SIRT3: variants seen among roughly 807,000 people sequenced by gnomAD.
SIRT3 encodes the protein sirtuin 3.
In SIRT3, 26 loss-of-function variants were observed where a neutral mutation model predicts 33.5. That is an observed-to-expected ratio of 0.78 (90% CI 0.57 to 1.08). The LOEUF is 1.08. Ranked by LOEUF, SIRT3 falls within the 50% of genes least tolerant of loss-of-function variation. The pLI is 0.00. For synonymous variants in SIRT3, 237 were observed against 222.1 expected, an observed-to-expected ratio of 1.07 and a Z score of -0.60; for missense variants, 585 against 530.1, an observed-to-expected ratio of 1.10 and a Z score of -1.02.
intron 6 of SIRT3, 26 bp from the exon 7 acceptor site, chr11:216,744 C>T (rs764402429): frequency 6.2e-7 from 1 of 1,613,768 alleles, no homozygotes; most frequent in Admixed American, 1.7e-5. Flanking sequence ...CAGAGGGTAT[C>T]AGCTATCTGT....
At chr11:229,766 A>G (rs1458315034) in intron 4 of SIRT3, among the ~76,000 whole-genome samples, 1 of 152,178 alleles carries the variant, frequency 6.6e-6, no homozygotes, top group Non-Finnish European at 1.5e-5. Flanking sequence ...CTCAAAAAAT[A>G]AATAAATAAA....
chr11:229,649 C>G (rs1210255932), intron 4 of SIRT3, among the ~76,000 whole-genome samples: 1 of 152,010 alleles, frequency 6.6e-6, no homozygotes, highest in African/African-American at 2.4e-5. Flanking sequence ...ATCCCAGCTT[C>G]TCAGGAGGCT....
rs1037615609 is a variant in SIRT3 at position 223,491 on chromosome 11, C to A, written c.969+587G>T. On this transcript the variant is annotated intron_variant, in intron 5 of 6. Transcript: ENST00000382743. The surrounding 1 kb of genome is among the most constrained non-coding windows in gnomAD (Gnocchi z 4.8). ...GCTCCACTCTCCACTCCCCAAAGGC[C>A]TCCCTGACCCCAAGGGTGCAGCTAC... 7 of 318,102 alleles carry A rather than the reference C, an allele frequency of 2.2e-5. No homozygotes were observed. The highest frequency in any genetic ancestry group is 4.3e-5 in the Non-Finnish European group (7 of 161,274). The allele number at this position is 318,102 out of a possible 1,614,324, so 19.7% of individuals were successfully genotyped here. A position where few individuals can be genotyped will look rare whatever the true frequency, so the allele number is the denominator to read the frequency against.
In SIRT3 at chr11:223,936, T is replaced by A; in HGVS notation, c.969+142A>T. 2.0e-5 allele frequency: 7 copies of A among 345,844 alleles called. No individual in the cohort carries two copies. The highest frequency in any genetic ancestry group is 3.2e-5 in the Non-Finnish European group (6 of 187,228). 21.4% of individuals were successfully genotyped at this position (345,844 alleles called of 1,614,324 possible). A position where few individuals can be genotyped will look rare whatever the true frequency, so the allele number is the denominator to read the frequency against. On this transcript the variant is annotated intron_variant, in intron 5 of 6. Transcript: ENST00000382743. The surrounding 1 kb of genome is among the most constrained non-coding windows in gnomAD (Gnocchi z 4.8). ...CCTGCACAGGCCTGCCGACAGCCCATGAGGTGACTCCTGTACCCCTCCCTT... is the reference window on the plus strand; with the variant it reads ...CCTGCACAGGCCTGCCGACAGCCCAAGAGGTGACTCCTGTACCCCTCCCTT...
At chr11:216,786 T>C (rs1190160557) in intron 6 of SIRT3, 68 bp from the exon 7 acceptor site, 1 of 1,525,930 alleles carries the variant, frequency 6.6e-7, no homozygotes, top group Non-Finnish European at 9.1e-7. Flanking sequence ...CAGATCTCTG[T>C]TCAAACAGCT....
chr11:236,667 T>C, upstream of SIRT3: 1 of 267,806 alleles, frequency 3.7e-6, no homozygotes, highest in Non-Finnish European at 7.2e-6. Flanking sequence ...GCGCTTTTAC[T>C]ATGGTCAGGC....
chr11:224,378 G>T, intron 4 of SIRT3, 139 bp from the exon 5 acceptor site: 1 of 892,862 alleles, frequency 1.1e-6, no homozygotes, highest in Non-Finnish European at 1.7e-6. Flanking sequence ...CATGTACCCA[G>T]CTTCAGGAAT....
rs1252996385 is a variant in SIRT3 at position 216,602 on chromosome 11, C to A, written c.*96G>T. ...CCACTCAGTTCACATATTCTGGTTT[C>A]ACCTGCCCAAGCTGTCTTCAGGCAT... On this transcript the variant is annotated 3_prime_UTR_variant, in exon 7 of 7. Coordinates refer to ENST00000382743, the MANE Select transcript of SIRT3 (RefSeq NM_012239.6). The A allele has an allele frequency of 2.1e-6, 3 of 1,446,250 alleles. No individual in the cohort carries two copies. Among genetic ancestry groups the A allele is most frequent in the Non-Finnish European group, 2.9e-6 (3 of 1,031,436 alleles). The allele number at this position is 1,446,250 out of a possible 1,614,324, so 89.6% of individuals were successfully genotyped here.
intron 4 of SIRT3, among the ~76,000 whole-genome samples, chr11:229,726 T>G (rs1226618014): frequency 1.3e-5 from 2 of 151,922 alleles, no homozygotes; most frequent in Non-Finnish European, 2.9e-5. Context: ...GCCATTGCAC[T>G]CCAGCCTGGG....
intron 6 of SIRT3, among the ~76,000 whole-genome samples, 186 bp from the exon 7 acceptor site, chr11:216,904 G>T (rs1461597661): frequency 6.6e-6 from 1 of 152,216 alleles, no homozygotes; most frequent in East Asian, 1.9e-4. Flanking sequence ...AGAACAGGGT[G>T]GCTAAATGGA....
chr11:221,646 G>A (rs764671179), intron 5 of SIRT3, among the ~76,000 whole-genome samples: 8 of 152,136 alleles, frequency 5.3e-5, no homozygotes, highest in East Asian at 1.9e-4. Flanking sequence ...TTAACATTTC[G>A]TCCACAAAGC....
intron 4 of SIRT3, among the ~76,000 whole-genome samples, chr11:224,811 T>A (rs1298193417): frequency 6.6e-6 from 1 of 152,044 alleles, no homozygotes; most frequent in African/African-American, 2.4e-5. Context: ...CAACTTCCCT[T>A]TGCGTCAAGA....
At chr11:230,888 C>T (rs1052888632) in intron 3 of SIRT3, among the ~76,000 whole-genome samples, 1 of 152,202 alleles carries the variant, frequency 6.6e-6, no homozygotes, top group Non-Finnish European at 1.5e-5. Context: ...CTTTGGGAGG[C>T]CGAGGTGGGC....
rs909477873 is a variant in SIRT3, at chr11:223,159, T to C, written c.969+919A>G. The C allele has an allele frequency of 4.8e-4, 75 of 156,580 alleles. No homozygotes were observed. Among genetic ancestry groups the C allele is most frequent in the African/African-American group, 1.6e-3 (66 of 41,466 alleles). The allele number at this position is 156,580 out of a possible 1,614,324, so 9.7% of individuals were successfully genotyped here. On this transcript the variant is annotated intron_variant, in intron 5 of 6. Coordinates refer to ENST00000382743, the MANE Select transcript of SIRT3 (RefSeq NM_012239.6). This position sits in a 1 kb window ranked among gnomAD's most constrained non-coding sequence, Gnocchi z 4.8. ...TCCAGTCACGCACACACTGACTTCA[T>C]GGTCTCATTTCTTGCTCTCATCACA...
At chr11:225,063 G>T (rs536008763) in intron 4 of SIRT3, among the ~76,000 whole-genome samples, 212 of 150,640 alleles carry the variant, frequency 1.4e-3, no homozygotes, top group Middle Eastern at 0.01. Flanking sequence ...TATCTTGGAG[G>T]CATGGGGTAT....
chr11:225,461 T>G (rs1420437750), intron 4 of SIRT3, among the ~76,000 whole-genome samples: 1 of 151,972 alleles, frequency 6.6e-6, no homozygotes, highest in Non-Finnish European at 1.5e-5. Flanking sequence ...ATTAAAGATA[T>G]AAAATTATTA....
Position 215,517 on chromosome 11 carries a change from C to CA in SIRT3, c.*1180dup, listed in dbSNP as rs1388932399. ...TTTTGTTCTTATTAAGGCGCAAAGT[C>CA]ACAGGACCCCCTTCCTGGGAGTCAC... On this transcript the variant is annotated 3_prime_UTR_variant, in exon 7 of 7. Coordinates refer to ENST00000382743, the MANE Select transcript of SIRT3 (RefSeq NM_012239.6). 1.3e-5 allele frequency: 2 copies of CA among 152,224 alleles called. No individual in the cohort carries two copies. Among genetic ancestry groups the CA allele is most frequent in the East Asian group, 3.8e-4 (2 of 5,202 alleles). The allele number at this position is 152,224 out of a possible 1,614,324, so 9.4% of individuals were successfully genotyped here. A position where few individuals can be genotyped will look rare whatever the true frequency, so the allele number is the denominator to read the frequency against.
chr11:226,717 ATT>A (rs1426047012), intron 4 of SIRT3, among the ~76,000 whole-genome samples: 1 of 143,044 alleles, frequency 7.0e-6, no homozygotes, highest in Non-Finnish European at 1.5e-5. Flanking sequence ...CTAGAATTTT[ATT>A]TTATTTTTCT....
chr11:230,857 C>T (rs916713497), intron 3 of SIRT3, among the ~76,000 whole-genome samples: 1 of 152,228 alleles, frequency 6.6e-6, no homozygotes, highest in African/African-American at 2.4e-5. Context: ...GGCACAGTGG[C>T]CCACACCTGT....
Sources: gnomAD v4.1 joint callset for allele counts (sites outside exome capture counted in the v4.1 genomes callset) on GRCh38, gnomAD v4.1.1 for gene constraint, Gnocchi (gnomAD v3.1) non-coding constraint, MANE v1.5 for transcripts, NCBI Gene and HGNC (gene_info 2026-07-23, HGNC 2026-07-21) for gene names.